The following ROBO2 variants were observed in gnomAD, a reference collection of about 807,000 sequenced individuals.
ROBO2 encodes roundabout guidance receptor 2.
A neutral mutation model predicts 160.8 loss-of-function variants in ROBO2; 53 were observed. That is an observed-to-expected ratio of 0.33 (90% CI 0.26 to 0.41). ROBO2 has a LOEUF of 0.41. ROBO2 is among the 10% of genes least tolerant of loss of function. ROBO2 has a pLI of 1.00. For missense variants in ROBO2, 1,577 were observed against 1,722.4 expected (o/e 0.92, Z 1.49); for synonymous variants, 664 against 611.7 (o/e 1.09, Z -1.26).
intron 2 of ROBO2, among the ~76,000 whole-genome samples, chr3:76,498,179 C>T (rs976164049): frequency 1.3e-5 from 2 of 152,150 alleles, no homozygotes; most frequent in African/African-American, 4.8e-5. Context: ...CATTATTTCT[C>T]AGTGAATGAA....
intron 2 of ROBO2, among the ~76,000 whole-genome samples, chr3:76,543,536 G>A (rs913765957): frequency 2.4e-4 from 37 of 152,022 alleles, no homozygotes; most frequent in East Asian, 3.9e-4. Context: ...TAAAGAGTAC[G>A]GGCTCAGAGA....
intron 2 of ROBO2, among the ~76,000 whole-genome samples, chr3:76,856,472 C>A (rs1362714408): frequency 2.0e-5 from 3 of 152,202 alleles, no homozygotes; most frequent in African/African-American, 4.8e-5. Flanking sequence ...AGCAAAAATT[C>A]TGAATGCAAT....
At chr3:77,472,470 A>G (rs1336758559) in intron 2 of ROBO2, among the ~76,000 whole-genome samples, 1 of 152,202 alleles carries the variant, frequency 6.6e-6, no homozygotes, top group East Asian at 1.9e-4. Context: ...TTTCCAAAAT[A>G]ATTTCCTAAG....
intron 2 of ROBO2, among the ~76,000 whole-genome samples, chr3:76,973,440 CATT>C (rs1417947832): frequency 6.6e-6 from 1 of 151,924 alleles, no homozygotes; most frequent in Non-Finnish European, 1.5e-5. Flanking sequence ...CAAGTTATAA[CATT>C]ATATTAATAA....
intron 2 of ROBO2, among the ~76,000 whole-genome samples, chr3:76,656,112 A>G (rs1174197383): frequency 6.6e-6 from 1 of 152,136 alleles, no homozygotes; most frequent in Non-Finnish European, 1.5e-5. Context: ...AGTAAAATCT[A>G]GAAAAATGTA....
At chr3:77,153,235 C>T (rs2077692941) in intron 2 of ROBO2, among the ~76,000 whole-genome samples, 1 of 152,086 alleles carries the variant, frequency 6.6e-6, no homozygotes, top group Admixed American at 6.6e-5. Context: ...GATTTTCTTG[C>T]AGGACGTTGT....
intron 14 of ROBO2, among the ~76,000 whole-genome samples, chr3:77,577,240 C>T (rs2093792672): frequency 6.6e-6 from 1 of 152,018 alleles, no homozygotes; most frequent in African/African-American, 2.4e-5. Context: ...ATAGAAAACA[C>T]TTATTAGAAT....
rs747531494 is a variant in ROBO2 at position 76,418,231 on chromosome 3, TAGAG to T, written c.109+480644_109+480647del. On this transcript the variant is annotated intron_variant, in intron 2 of 26. Coordinates refer to the ROBO2 transcript ENST00000487694. ...CACTATATAACTGTCGCCAAACAAA[TAGAG>T]AGAGAGAGAGAGAGGGAGAGAGAGA... is the stretch of plus-strand genomic sequence containing the variant. Among the ~76,000 whole-genome samples, 8 of 123,950 alleles carry T rather than the reference TAGAG, an allele frequency of 6.5e-5. No homozygotes were observed. The South Asian group carries it at 8.8e-4, about 14-fold the overall frequency. 81.3% of individuals were successfully genotyped at this position (123,950 alleles called of 152,430 possible). A position where few individuals can be genotyped will look rare whatever the true frequency, so the allele number is the denominator to read the frequency against.
intron 2 of ROBO2, among the ~76,000 whole-genome samples, chr3:77,010,853 T>TCTCCCTCCCTCCCTCTCTCC (rs1162529987): frequency 1.1e-5 from 1 of 93,558 alleles, no homozygotes; most frequent in Non-Finnish European, 2.1e-5. Context: ...TCCCTCCCTC[T>TCTCCCTCCCTCCCTCTCTCC]CTCCCTCCCT....
chr3:76,985,450 CA>C (rs2060322986), intron 2 of ROBO2, among the ~76,000 whole-genome samples: 1 of 151,214 alleles, frequency 6.6e-6, no homozygotes, highest in African/African-American at 2.4e-5. Flanking sequence ...GGCGTGGTGG[CA>C]GGTGCCTGTA....
chr3:77,462,585 C>A (rs1306246267), intron 2 of ROBO2, among the ~76,000 whole-genome samples: 2 of 152,088 alleles, frequency 1.3e-5, no homozygotes, highest in Non-Finnish European at 2.9e-5. Context: ...TGTGTTGAAT[C>A]CAGTTGGGAA....
intron 2 of ROBO2, among the ~76,000 whole-genome samples, chr3:76,064,967 AAC>A: frequency 6.6e-6 from 1 of 152,264 alleles, no homozygotes; most frequent in East Asian, 1.9e-4. Context: ...ACAGGAGTAT[AAC>A]AAAGATTATA....
At position 77,467,627 on chromosome 3, in the gene ROBO2, CTATCATCT is replaced by C. The variant is rs777009568; in HGVS notation, c.389-9786_389-9779del. On this transcript the variant is annotated intron_variant, in intron 2 of 25. Coordinates refer to ENST00000461745, the Ensembl canonical transcript of ROBO2. ...TCTATCTATCTATCTATCTATCTATCTATCATCTATCTATCTATTTATATATCTATACC... is the reference window on the plus strand; with the variant it reads ...TCTATCTATCTATCTATCTATCTATCATCTATCTATTTATATATCTATACC... Among the ~76,000 whole-genome samples the C allele has an allele frequency of 3.7e-3, 549 of 149,978 alleles. 10 individuals are homozygous for C. The highest frequency in any genetic ancestry group is 0.018 in the Admixed American group (272 of 14,964).
chr3:76,658,434 C>A (rs923428685), intron 2 of ROBO2, among the ~76,000 whole-genome samples: 1 of 151,868 alleles, frequency 6.6e-6, no homozygotes, highest in African/African-American at 2.4e-5. Flanking sequence ...TTTGCTGCAC[C>A]CATCAACTCG....
Position 76,411,186 on chromosome 3 carries a change from T to C in ROBO2, c.109+473584T>C, listed in dbSNP as rs990713635. Among the ~76,000 whole-genome samples the C allele has an allele frequency of 3.3e-5, 5 of 152,234 alleles. No homozygotes were observed. In the East Asian group the frequency reaches 5.8e-4, roughly 18 times the overall value. On this transcript the variant is annotated intron_variant, in intron 2 of 26. Coordinates refer to the ROBO2 transcript ENST00000487694. ...TATAAATAGCTTATAGGCTGAATTA[T>C]AGAATTCCGAATGACCAGACAGAAC...
At chr3:76,687,353 T>C (rs1211626194) in intron 2 of ROBO2, among the ~76,000 whole-genome samples, 2 of 151,978 alleles carry the variant, frequency 1.3e-5, no homozygotes, top group African/African-American at 4.8e-5. Context: ...AGTTAATATA[T>C]ATAGAGAGAG....
chr3:76,867,854 C>T (rs1003528250), intron 2 of ROBO2, among the ~76,000 whole-genome samples: 1 of 152,042 alleles, frequency 6.6e-6, no homozygotes, highest in African/African-American at 2.4e-5. Flanking sequence ...GTGGAGTTTT[C>T]GATGTGGCAG....
chr3:77,431,994 G>A lies in ROBO2; in HGVS notation c.389-45420G>A, dbSNP rs567959087. On this transcript the variant is annotated intron_variant, in intron 2 of 25. Transcript: ENST00000461745. ...ATTAAGCTAAAGATTTGTGACTTAG[G>A]TTGGATATTGATGTAACTCTAAATA... Among the ~76,000 whole-genome samples the A allele has an allele frequency of 1.7e-4, 26 of 152,240 alleles. 1 individual carries two copies. Among genetic ancestry groups the A allele is most frequent in the African/African-American group, 5.1e-4 (21 of 41,542 alleles).
At chr3:77,183,660 T>C (rs1268573314) in intron 2 of ROBO2, among the ~76,000 whole-genome samples, 4 of 152,056 alleles carry the variant, frequency 2.6e-5, no homozygotes, top group African/African-American at 9.7e-5. Context: ...CAGAATGTGG[T>C]ATTGTGTTAT....
Sources: allele counts gnomAD v4.1 joint callset (sites outside exome capture counted in the v4.1 genomes callset), GRCh38; gene constraint gnomAD v4.1.1; transcripts MANE v1.5; gene names NCBI Gene and HGNC (gene_info 2026-07-23, HGNC 2026-07-21).